The following GLIS3 variants were observed in gnomAD, a reference collection of about 807,000 sequenced individuals.
GLIS3 encodes the protein GLIS family zinc finger 3, also known as zinc finger protein GLIS3.
A neutral mutation model predicts 78.6 loss-of-function variants in GLIS3; 53 were observed. The observed-to-expected ratio is 0.67, with a 90% CI of 0.54 to 0.85. The LOEUF (loss-of-function observed/expected upper bound fraction) is 0.85, where lower values mean the gene tolerates loss of function less well. Ranked by LOEUF, GLIS3 falls within the 40% of genes least tolerant of loss-of-function variation. GLIS3 has a pLI of 0.00. For synonymous variants in GLIS3, 684 were observed against 509.9 expected, an observed-to-expected ratio of 1.34 and a Z score of -4.60; for missense variants, 1,703 against 1,231.1, an observed-to-expected ratio of 1.38 and a Z score of -5.74.
At chr9:3,837,594 A>G (rs1320204049) in intron 9 of GLIS3, among the ~76,000 whole-genome samples, 1 of 152,256 alleles carries the variant, frequency 6.6e-6, no homozygotes, top group Non-Finnish European at 1.5e-5. Flanking sequence ...AGCACTAAAA[A>G]GAAATGACCT....
At chr9:4,041,910 C>A (rs1195560992) in intron 4 of GLIS3, among the ~76,000 whole-genome samples, 1 of 152,084 alleles carries the variant, frequency 6.6e-6, no homozygotes, top group African/African-American at 2.4e-5. Flanking sequence ...TACTCTTATG[C>A]CCAAACCTTG....
At chr9:4,468,391 T>A in the GLIS3 span, among the ~76,000 whole-genome samples, 1 of 152,114 alleles carries the variant, frequency 6.6e-6, no homozygotes, top group South Asian at 2.1e-4. Flanking sequence ...GAGAGTAAGG[T>A]TGGGTTACCC....
intron 6 of GLIS3, among the ~76,000 whole-genome samples, chr9:3,925,776 C>T (rs1363704897): frequency 6.6e-6 from 1 of 152,190 alleles, no homozygotes; most frequent in East Asian, 1.9e-4. Context: ...CTCACATTCA[C>T]TTCAATGTTT....
chr9:4,096,478 T>C (rs1349676829), intron 4 of GLIS3, among the ~76,000 whole-genome samples: 1 of 152,250 alleles, frequency 6.6e-6, no homozygotes, highest in East Asian at 1.9e-4. Context: ...AGTAGTCATT[T>C]ATAATTTTTA....
At chr9:4,395,438 G>T in the GLIS3 span, among the ~76,000 whole-genome samples, 116 of 152,150 alleles carry the variant, frequency 7.6e-4, no homozygotes, top group Admixed American at 2.4e-3. Flanking sequence ...GCCTTCTTAG[G>T]CCTCCAGTAG....
chr9:4,298,288 T>C (rs528792103), intron 1 of GLIS3: 3 of 447,142 alleles, frequency 6.7e-6, no homozygotes, highest in South Asian at 4.7e-5. Flanking sequence ...ACCCTGTGGT[T>C]TCCTTTCGCT....
intron 4 of GLIS3, among the ~76,000 whole-genome samples, chr9:3,941,015 G>C (rs1463352598): frequency 6.6e-6 from 1 of 152,112 alleles, no homozygotes; most frequent in African/African-American, 2.4e-5. Context: ...CACATTCTCT[G>C]ACCCCAGAAT....
At chr9:4,474,989 TTTTTTC>T in the GLIS3 span, among the ~76,000 whole-genome samples, 2 of 96,116 alleles carry the variant, frequency 2.1e-5, no homozygotes, top group African/African-American at 7.3e-5. Context: ...ATGTTAATTT[TTTTTTC>T]TTTTTTTTTT....
At chr9:4,409,351 C>A in the GLIS3 span, among the ~76,000 whole-genome samples, 1 of 152,026 alleles carries the variant, frequency 6.6e-6, no homozygotes, top group Non-Finnish European at 1.5e-5. Flanking sequence ...GGAAATGGGA[C>A]GTCAGAATAA....
intron 9 of GLIS3, among the ~76,000 whole-genome samples, chr9:3,833,196 C>A (rs1354907594): frequency 6.6e-6 from 1 of 152,150 alleles, no homozygotes; most frequent in Admixed American, 6.5e-5. Flanking sequence ...CAGAATGGCC[C>A]CACAAGCATG....
rs185990160 is a variant in GLIS3, at chr9:4,055,497, G to C, written c.1710+62271C>G. On this transcript the variant is annotated intron_variant, in intron 4 of 10. Coordinates refer to ENST00000381971, the MANE Select transcript of GLIS3 (RefSeq NM_001042413.2). ...TAAGTTCTCAGGAGCTTGCACTCTTGAGATGCACAAAAGCTTAAAATATGT... is the reference window on the plus strand; with the variant it reads ...TAAGTTCTCAGGAGCTTGCACTCTTCAGATGCACAAAAGCTTAAAATATGT... Among the ~76,000 whole-genome samples the C allele has an allele frequency of 1.1e-4, 17 of 152,212 alleles. 1 individual carries two copies. The East Asian group carries it at 3.3e-3, about 29-fold the overall frequency.
intron 4 of GLIS3, among the ~76,000 whole-genome samples, chr9:4,035,220 A>G (rs1227432461): frequency 1.3e-5 from 2 of 152,172 alleles, no homozygotes; most frequent in African/African-American, 4.8e-5. Context: ...GGCAAATGTT[A>G]TCTCCATTTT....
intron 2 of GLIS3, among the ~76,000 whole-genome samples, chr9:4,239,137 G>T (rs543850000): frequency 1.5e-5 from 2 of 129,186 alleles, no homozygotes; most frequent in African/African-American, 3.0e-5. Flanking sequence ...GAATAGTGCC[G>T]CAATAAACAT....
chr9:3,930,231 G>A (rs896908444), intron 6 of GLIS3, among the ~76,000 whole-genome samples: 10 of 152,164 alleles, frequency 6.6e-5, no homozygotes, highest in African/African-American at 1.7e-4. Context: ...TGTGCAATGC[G>A]AGTCAACAAG....
intron 4 of GLIS3, among the ~76,000 whole-genome samples, chr9:4,053,724 T>TTCTGG (rs1825915614): frequency 2.4e-5 from 1 of 41,766 alleles, no homozygotes; most frequent in Non-Finnish European, 7.3e-5. Context: ...AAAAAAAAAA[T>TTCTGG]TCTGGATAGC....
At chr9:4,485,267 G>A in the GLIS3 span, among the ~76,000 whole-genome samples, 7 of 151,862 alleles carry the variant, frequency 4.6e-5, no homozygotes, top group Non-Finnish European at 7.4e-5. Context: ...CATCCTCCTC[G>A]GCCTCCCAAA....
chr9:4,323,305 T>C lies in GLIS3; in HGVS notation n.265-12777A>G, dbSNP rs538275604. Reference sequence around the variant, plus strand: ...CTGCCTTGGCCTCCCAAAGTGCTGTTTTATCACATATATTTATATATGTAA... The same window carrying C: ...CTGCCTTGGCCTCCCAAAGTGCTGTCTTATCACATATATTTATATATGTAA... On this transcript the variant is annotated intron_variant and non_coding_transcript_variant, in intron 2 of 4. Transcript: ENST00000471664. 6.6e-5 allele frequency among the ~76,000 whole-genome samples: 10 copies of C among 152,308 alleles called. No individual in the cohort carries two copies. The East Asian group carries it at 1.7e-3, about 26-fold the overall frequency.
At chr9:4,115,723 T>G (rs1285648732) in intron 4 of GLIS3, among the ~76,000 whole-genome samples, 2 of 152,138 alleles carry the variant, frequency 1.3e-5, no homozygotes, top group Non-Finnish European at 2.9e-5. Context: ...GGCTTCCTGC[T>G]AAAAATATAT....
intron 4 of GLIS3, among the ~76,000 whole-genome samples, chr9:4,308,479 C>T (rs1817284724): frequency 6.6e-6 from 1 of 151,984 alleles, no homozygotes; most frequent in Non-Finnish European, 1.5e-5. Flanking sequence ...AGAGAAAGGA[C>T]CTTGTTCTGC....
Sources: allele counts gnomAD v4.1 joint callset (sites outside exome capture counted in the v4.1 genomes callset), GRCh38; gene constraint gnomAD v4.1.1; transcripts MANE v1.5; gene names NCBI Gene and HGNC (gene_info 2026-07-23, HGNC 2026-07-21).